The following PTPN7 variants were observed in gnomAD, a reference collection of about 807,000 sequenced individuals.
PTPN7 encodes the protein tyrosine-protein phosphatase non-receptor type 7.
PTPN7 carries 33 observed loss-of-function variants against 50.3 expected under a neutral mutation model. The ratio of observed to expected loss-of-function variants is 0.66; its 90% CI spans 0.50 to 0.88. The LOEUF (loss-of-function observed/expected upper bound fraction) is 0.88. Among genes scored for constraint, PTPN7 ranks in the 40% least tolerant of loss-of-function variants. The probability of loss-of-function intolerance (pLI) is 0.00; values close to 1 mark genes in which losing one functional copy is unlikely to be tolerated. For missense variants in PTPN7, 412 were observed against 475.4 expected (o/e 0.87, Z 1.24); for synonymous variants, 185 against 186.6 (o/e 0.99, Z 0.07).
upstream of PTPN7, chr1:202,160,832 C>T: frequency 1.3e-6 from 2 of 1,523,042 alleles, no homozygotes; most frequent in East Asian, 2.5e-5. This position sits in a 1 kb window ranked among gnomAD's most constrained non-coding sequence, Gnocchi z 4.8. Context: ...CTTCCAGACC[C>T]TCTCCCCTCT....
At chr1:202,153,596 G>T (rs2147837486) in intron 7 of PTPN7, 129 bp downstream of exon 7, 1 of 714,016 alleles carries the variant, frequency 1.4e-6, no homozygotes. Flanking sequence ...TTCTCTTTCT[G>T]CTATAGATGT....
At position 202,160,195 on chromosome 1, in the gene PTPN7, CT is replaced by C. The variant is rs1170485675; in HGVS notation, c.-53+349del. On this transcript the variant is annotated intron_variant, in intron 1 of 9. Transcript: ENST00000691036. The surrounding 1 kb of genome is among the most constrained non-coding windows in gnomAD (Gnocchi z 4.8). ...ATCTCCTCTTGGGGGCAGTCCCTAT[CT>C]CCCAGAGCCAGGGTCACAGTGGGCG... 6.6e-6 allele frequency among the ~76,000 whole-genome samples: 1 copy of C among 152,116 alleles called. No individual in the cohort carries two copies. The highest frequency in any genetic ancestry group is 2.4e-5 in the African/African-American group (1 of 41,418).
chr1:202,158,358 T>C, intron 2 of PTPN7, 57 bp from the exon 3 acceptor site: 1 of 1,565,634 alleles, frequency 6.4e-7, no homozygotes, highest in South Asian at 1.1e-5. Context: ...GCTTTTCTTT[T>C]CTTTTTATCT....
In PTPN7 at chr1:202,153,495, A is replaced by C. The variant is rs1656277530; in HGVS notation, c.717+230T>G. ...GGATCCTGCCTGTCCCCGCCTGACCATTTACACAGATGGGTGAGTACTTCC... is the reference window on the plus strand; with the variant it reads ...GGATCCTGCCTGTCCCCGCCTGACCCTTTACACAGATGGGTGAGTACTTCC... On this transcript the variant is annotated intron_variant, in intron 7 of 9. Coordinates refer to ENST00000691036, the MANE Select transcript of PTPN7 (RefSeq NM_002832.4). Among the ~76,000 whole-genome samples the C allele has an allele frequency of 1.3e-5, 2 of 152,106 alleles. 1 individual carries two copies. Among genetic ancestry groups the C allele is most frequent in the Non-Finnish European group, 2.9e-5 (2 of 68,018 alleles).
Position 202,148,675 on chromosome 1 carries a change from C to G in PTPN7, c.1014G>C (p.Glu338Asp), listed in dbSNP as rs765164622. The G allele has an allele frequency of 1.2e-6, 2 of 1,613,858 alleles. No individual in the cohort carries two copies. The change falls in exon 10 of 10, where the codon GAG becomes GAC. Residue 338 changes from glutamate (E) to aspartate (D), a missense_variant. By Grantham distance (45) the Glu-to-Asp change is conservative. Coordinates refer to ENST00000691036, the MANE Select transcript of PTPN7 (RefSeq NM_002832.4). ...AAGTGTGGTGCAGGAACTGGTACTGCTCTGCCGTCTGGATCATCCCCCCTC... is the reference window on the plus strand; with the variant it reads ...AAGTGTGGTGCAGGAACTGGTACTGGTCTGCCGTCTGGATCATCCCCCCTC... Reference protein sequence around the residue: ...LDRGGMIQTAEQYQFLHHTLA... With the variant: ...LDRGGMIQTADQYQFLHHTLA...
intron 6 of PTPN7, 22 bp downstream of exon 6, chr1:202,154,164 G>A (rs750102455): frequency 1.9e-6 from 3 of 1,613,498 alleles, no homozygotes; most frequent in Non-Finnish European, 8.5e-7. Context: ...GGTTCATCAT[G>A]AACTGTGGCT....
upstream of PTPN7, chr1:202,160,778 A>G: frequency 6.4e-7 from 1 of 1,550,726 alleles, no homozygotes; most frequent in Non-Finnish European, 8.7e-7. The surrounding 1 kb of genome is among the most constrained non-coding windows in gnomAD (Gnocchi z 4.8). Context: ...TTCCCTGGGA[A>G]TGGGTGAGGG....
chr1:202,157,947 G>A, intron 3 of PTPN7, 124 bp from the exon 4 acceptor site: 1 of 1,244,262 alleles, frequency 8.0e-7, no homozygotes, highest in Non-Finnish European at 1.1e-6. Context: ...GCCTAGATGG[G>A]GTGGGGGCAG....
chr1:202,151,169 C>CT (rs1655968164), intron 8 of PTPN7, among the ~76,000 whole-genome samples: 1 of 152,228 alleles, frequency 6.6e-6, no homozygotes, highest in Non-Finnish European at 1.5e-5. Context: ...AATGGCAAAT[C>CT]CAAGTGTCTT....
At position 202,160,447 on chromosome 1, in the gene PTPN7, C is replaced by T. The variant is rs1300527866; in HGVS notation, c.-53+98G>A. On this transcript the variant is annotated intron_variant, in intron 1 of 9. Coordinates refer to ENST00000691036, the MANE Select transcript of PTPN7 (RefSeq NM_002832.4). This position sits in a 1 kb window ranked among gnomAD's most constrained non-coding sequence, Gnocchi z 4.8. ...CAGCCAGGCACTGTGGCGCCCCACT[C>T]GCCCTCCCGCACTCCCTCCTAGAGA... 9.5e-6 allele frequency: 12 copies of T among 1,265,504 alleles called. No homozygotes were observed. The highest frequency in any genetic ancestry group is 7.2e-5 in the South Asian group (5 of 69,274). 78.4% of individuals were successfully genotyped at this position (1,265,504 alleles called of 1,614,324 possible).
At chr1:202,153,573 A>C in intron 7 of PTPN7, 152 bp downstream of exon 7, 1 of 632,742 alleles carries the variant, frequency 1.6e-6, no homozygotes, top group Non-Finnish European at 2.8e-6. Flanking sequence ...GAGGCTGAGG[A>C]CAGTGCTCAA....
At chr1:202,150,785 T>TAAC (rs1238628815) in intron 8 of PTPN7, among the ~76,000 whole-genome samples, 1 of 152,136 alleles carries the variant, frequency 6.6e-6, no homozygotes, top group Non-Finnish European at 1.5e-5. Flanking sequence ...CCTCCTTATC[T>TAAC]AACCTTGACT....
upstream of PTPN7, chr1:202,160,879 C>T (rs1657311533): frequency 5.5e-6 from 8 of 1,466,838 alleles, no homozygotes; most frequent in East Asian, 5.0e-5. The surrounding 1 kb of genome is among the most constrained non-coding windows in gnomAD (Gnocchi z 4.8). Context: ...CACATCCAGC[C>T]GCTGCCTACT....
chr1:202,159,103 T>A lies in PTPN7; in HGVS notation c.122+178A>T, dbSNP rs1017497593. 6.3e-6 allele frequency: 4 copies of A among 633,166 alleles called. No homozygotes were observed. The African/African-American group carries it at 7.3e-5, about 12-fold the overall frequency. The allele number at this position is 633,166 out of a possible 1,614,324, so 39.2% of individuals were successfully genotyped here. On this transcript the variant is annotated intron_variant, in intron 2 of 9. Transcript: ENST00000691036. This position sits in a 1 kb window ranked among gnomAD's most constrained non-coding sequence, Gnocchi z 4.6. ...GGCTCATGGTTGATATGAAACTCTG[T>A]GCTCCAGACATGCAAAAGACATGCA...
intron 8 of PTPN7, among the ~76,000 whole-genome samples, chr1:202,150,951 C>T (rs1011281370): frequency 2.6e-5 from 4 of 152,114 alleles, no homozygotes; most frequent in Non-Finnish European, 2.9e-5. Flanking sequence ...CTTCCTCTTG[C>T]GTGAGCCCCT....
At chr1:202,157,699 G>A (rs762555953) in intron 4 of PTPN7, 40 bp downstream of exon 4, 5 of 1,561,908 alleles carry the variant, frequency 3.2e-6, no homozygotes, top group Non-Finnish European at 4.4e-6. Context: ...TAGCCCCAGG[G>A]ACTGTACCCG....
upstream of PTPN7, chr1:202,160,725 T>C (rs1278140262): frequency 2.4e-5 from 37 of 1,549,876 alleles, no homozygotes; most frequent in Non-Finnish European, 3.1e-5. The surrounding 1 kb of genome is among the most constrained non-coding windows in gnomAD (Gnocchi z 4.8). Flanking sequence ...CCACCAGGGG[T>C]CGGCTGCCTC....
At chr1:202,152,452 T>A in intron 8 of PTPN7, 90 bp downstream of exon 8, 1 of 1,441,186 alleles carries the variant, frequency 6.9e-7, no homozygotes, top group Non-Finnish European at 9.3e-7. Context: ...TGCCTGATGC[T>A]TTTCTGCTCA....
chr1:202,148,860 T>TTTTG, intron 9 of PTPN7, among the ~76,000 whole-genome samples, 161 bp from the exon 10 acceptor site: 1 of 134,128 alleles, frequency 7.5e-6, no homozygotes, highest in Non-Finnish European at 1.6e-5. Flanking sequence ...TTTTTTTTTT[T>TTTTG]TTTTTTTTTT....
Sources: gnomAD v4.1 joint callset for allele counts (sites outside exome capture counted in the v4.1 genomes callset) on GRCh38, gnomAD v4.1.1 for gene constraint, Gnocchi (gnomAD v3.1) non-coding constraint, MANE v1.5 for transcripts, NCBI Gene and HGNC (gene_info 2026-07-23, HGNC 2026-07-21) for gene names.